The following GBE1 variants were observed in gnomAD, a reference collection of about 807,000 sequenced individuals.
The protein encoded by GBE1 is 1,4-alpha-glucan-branching enzyme.
A neutral mutation model predicts 88.8 loss-of-function variants in GBE1; 70 were observed. That is an observed-to-expected ratio of 0.79 (90% CI 0.65 to 0.96). The LOEUF is 0.96. Among genes scored for constraint, GBE1 ranks in the 40% least tolerant of loss-of-function variants. GBE1 has a pLI of 0.00. For missense variants in GBE1, 872 were observed against 871.0 expected (o/e 1.00, Z -0.01); for synonymous variants, 284 against 300.1 (o/e 0.95, Z 0.56).
chr3:81,674,948 T>C (rs999703027), intron 2 of GBE1, among the ~76,000 whole-genome samples: 1 of 152,034 alleles, frequency 6.6e-6, no homozygotes, highest in African/African-American at 2.4e-5. Context: ...AAGGTCTCTA[T>C]CTAGGTCAGT....
At chr3:81,717,311 G>C (rs1264182653) in intron 1 of GBE1, among the ~76,000 whole-genome samples, 1 of 152,078 alleles carries the variant, frequency 6.6e-6, no homozygotes, top group Non-Finnish European at 1.5e-5. Flanking sequence ...CAGAGGTATG[G>C]GCTAGACAGA....
intron 12 of GBE1, among the ~76,000 whole-genome samples, chr3:81,565,809 A>G (rs1362617790): frequency 5.3e-5 from 8 of 152,180 alleles, no homozygotes; most frequent in Admixed American, 5.2e-4. Context: ...CACATATCAG[A>G]TGACCTACAT....
At chr3:81,681,795 G>A (rs958341637) in intron 2 of GBE1, among the ~76,000 whole-genome samples, 2 of 151,986 alleles carry the variant, frequency 1.3e-5, no homozygotes, top group African/African-American at 2.4e-5. Context: ...TTCCTGCCTC[G>A]AAGCATATAC....
intron 1 of GBE1, 65 bp downstream of exon 1, chr3:81,761,310 T>C (rs1706681679): frequency 6.5e-7 from 1 of 1,539,628 alleles, no homozygotes; most frequent in Non-Finnish European, 8.8e-7. Context: ...GCGGCCCGTG[T>C]CCCGAGACGG....
chr3:81,502,144 T>C (rs1250090573), intron 14 of GBE1, among the ~76,000 whole-genome samples: 1 of 152,070 alleles, frequency 6.6e-6, no homozygotes, highest in Non-Finnish European at 1.5e-5. Context: ...TTTCCCACAA[T>C]AAAGTACAGA....
chr3:81,595,317 A>C (rs1316282549), intron 7 of GBE1, among the ~76,000 whole-genome samples: 1 of 151,832 alleles, frequency 6.6e-6, no homozygotes, highest in East Asian at 1.9e-4. Context: ...GAGATATAAT[A>C]GAACTGTATA....
chr3:81,684,583 G>GC (rs1265006073), intron 2 of GBE1, among the ~76,000 whole-genome samples: 1 of 152,016 alleles, frequency 6.6e-6, no homozygotes, highest in Non-Finnish European at 1.5e-5. Context: ...ACCTCCCAAA[G>GC]CCCCCGCCTG....
chr3:81,697,377 G>GCA (rs1361652556), intron 2 of GBE1, among the ~76,000 whole-genome samples: 1 of 148,998 alleles, frequency 6.7e-6, no homozygotes, highest in Non-Finnish European at 1.5e-5. Flanking sequence ...TCGGCTCACT[G>GCA]CAACCTCCGT....
intron 7 of GBE1, among the ~76,000 whole-genome samples, chr3:81,635,098 T>C (rs895926872): frequency 7.9e-5 from 12 of 152,110 alleles, no homozygotes; most frequent in Non-Finnish European, 1.8e-4. Flanking sequence ...TATGAGAAAA[T>C]GTAACTGTAA....
intron 1 of GBE1, among the ~76,000 whole-genome samples, chr3:81,745,823 T>C (rs1706413341): frequency 6.6e-6 from 1 of 152,148 alleles, no homozygotes; most frequent in South Asian, 2.1e-4. Context: ...TCATAAATTT[T>C]CTAAATTTTG....
chr3:81,536,856 C>G, intron 13 of GBE1, 55 bp downstream of exon 13: 4 of 1,357,414 alleles, frequency 2.9e-6, no homozygotes, highest in Non-Finnish European at 4.0e-6. Flanking sequence ...GGTTGCCATT[C>G]TAGGCATGTA....
chr3:81,731,136 C>G (rs1240781497), intron 1 of GBE1, among the ~76,000 whole-genome samples: 2 of 152,084 alleles, frequency 1.3e-5, no homozygotes, highest in African/African-American at 4.8e-5. Flanking sequence ...CCATTTTCTG[C>G]CCTGGGAACC....
intron 7 of GBE1, among the ~76,000 whole-genome samples, chr3:81,614,182 C>T (rs1704218552): frequency 6.6e-6 from 1 of 152,086 alleles, no homozygotes; most frequent in African/African-American, 2.4e-5. Flanking sequence ...TCTTGCTTCA[C>T]AATTACTTTT....
chr3:81,667,447 T>G (rs1705127484), intron 3 of GBE1, among the ~76,000 whole-genome samples: 1 of 152,196 alleles, frequency 6.6e-6, no homozygotes. Context: ...TTCTTTCTCT[T>G]GCCTGATTGC....
intron 14 of GBE1, among the ~76,000 whole-genome samples, chr3:81,521,290 TCCTGCTTCCCAGGGAATTA>T (rs1045624278): frequency 6.6e-6 from 1 of 151,598 alleles, no homozygotes; most frequent in African/African-American, 2.4e-5. Flanking sequence ...TGGCACCAAA[TCCTGCTTCCCAGGGAATTA>T]AAAATTTGAT....
rs1179367769 is a variant in GBE1 at position 81,593,846 on chromosome 3, CCA to C, written c.1108+60_1108+61del. 15 of 755,314 alleles carry C rather than the reference CCA, an allele frequency of 2.0e-5. No individual in the cohort carries two copies. In the African/African-American group the frequency reaches 2.7e-4, roughly 14 times the overall value. 46.8% of individuals were successfully genotyped at this position (755,314 alleles called of 1,614,324 possible). A position where few individuals can be genotyped will look rare whatever the true frequency, so the allele number is the denominator to read the frequency against. On this transcript the variant is annotated intron_variant, in intron 8 of 15. Transcript: ENST00000429644. ...AATGGAACTAATAAAAACCAAGACA[CCA>C]GTAATGGCTATTGCAGCTTCTGCAA...
intron 7 of GBE1, among the ~76,000 whole-genome samples, chr3:81,609,215 C>G (rs374617307): frequency 1.3e-5 from 2 of 152,118 alleles, no homozygotes; most frequent in Non-Finnish European, 1.5e-5. Flanking sequence ...TTTTCAAGTG[C>G]CTTTTACTGA....
intron 12 of GBE1, among the ~76,000 whole-genome samples, chr3:81,575,361 G>C (rs146199970): frequency 1.6e-3 from 247 of 152,130 alleles, no homozygotes; most frequent in Non-Finnish European, 2.3e-3. Context: ...GCTATAACCA[G>C]AGTGAAAGAA....
rs774545845 is a variant in GBE1 at position 81,507,291 on chromosome 3, G to A, written c.1935-8064C>T. Among the ~76,000 whole-genome samples, 42 of 151,976 alleles carry A rather than the reference G, an allele frequency of 2.8e-4. 1 individual carries two copies. Among genetic ancestry groups the A allele is most frequent in the Non-Finnish European group, 4.7e-4 (32 of 67,990 alleles). On this transcript the variant is annotated intron_variant, in intron 14 of 15. Transcript: ENST00000429644. ...AATTAAACAGAGAACTTGCCCGGGC[G>A]CAGTGGCTCACGCCTGTAATTCCAG... is the stretch of plus-strand genomic sequence containing the variant.
Sources: allele counts gnomAD v4.1 joint callset (sites outside exome capture counted in the v4.1 genomes callset), GRCh38; gene constraint gnomAD v4.1.1; transcripts MANE v1.5; gene names NCBI Gene and HGNC (gene_info 2026-07-23, HGNC 2026-07-21).